Variants in INTS12 observed in about 807,000 individuals in gnomAD.
INTS12 encodes integrator complex subunit 12.
A neutral mutation model predicts 41.6 loss-of-function variants in INTS12; 13 were observed. The observed-to-expected ratio is 0.31, with a 90% CI of 0.20 to 0.50. The LOEUF is 0.50. Ranked by LOEUF, INTS12 falls within the 20% of genes least tolerant of loss-of-function variation. The pLI is 0.98. For synonymous variants in INTS12, 199 were observed against 191.4 expected (o/e 1.04, Z -0.33); for missense variants, 432 against 541.6 (o/e 0.80, Z 2.01).
At chr4:105,685,451 A>G (rs11726569) in intron 7 of INTS12, among the ~76,000 whole-genome samples, 8,166 of 152,260 alleles carry the variant, frequency 0.054, 252 homozygotes, top group Middle Eastern at 0.14. Flanking sequence ...TGACAAATCA[A>G]TAATGGATAT....
At chr4:105,691,332 C>G (rs1731675514) in intron 6 of INTS12, among the ~76,000 whole-genome samples, 1 of 152,130 alleles carries the variant, frequency 6.6e-6, no homozygotes, top group South Asian at 2.1e-4. Context: ...ATTCATTTAT[C>G]ATTTATCTAT....
chr4:105,702,845 G>A (rs937256367), intron 2 of INTS12: 1 of 958,324 alleles, frequency 1.0e-6, no homozygotes, highest in Non-Finnish European at 1.2e-6. Flanking sequence ...AACACTTATG[G>A]TTATGTGGTT....
In INTS12 at chr4:105,686,866, T is replaced by C. The variant is rs557078315; in HGVS notation, c.658-28A>G. ...GCAAAAATCAGTGGATTAAATCAGA[T>C]ACAAAATCTTAACTGAATATACAGA... On this transcript the variant is annotated intron_variant, in intron 6 of 7. Transcript: ENST00000340139. 5.6e-6 allele frequency: 9 copies of C among 1,602,098 alleles called. No individual in the cohort carries two copies. The South Asian group carries it at 9.9e-5, about 18-fold the overall frequency.
At chr4:105,688,333 G>A (rs1731565895) in intron 6 of INTS12, among the ~76,000 whole-genome samples, 1 of 152,038 alleles carries the variant, frequency 6.6e-6, no homozygotes, top group South Asian at 2.1e-4. Context: ...CACCATTTCT[G>A]GAAGCCAGAA....
chr4:105,688,770 T>C (rs1476436257), intron 6 of INTS12, among the ~76,000 whole-genome samples: 1 of 152,212 alleles, frequency 6.6e-6, no homozygotes, highest in East Asian at 1.9e-4. Flanking sequence ...AGACTAATTA[T>C]GATGAAGCCC....
chr4:105,684,519 A>C (rs564090052), intron 7 of INTS12, among the ~76,000 whole-genome samples: 2 of 152,222 alleles, frequency 1.3e-5, no homozygotes, highest in South Asian at 4.1e-4. Context: ...GCATGCATAC[A>C]TTTTTAATCA....
chr4:105,698,349 C>A (rs923738843), intron 3 of INTS12, among the ~76,000 whole-genome samples: 1 of 152,164 alleles, frequency 6.6e-6, no homozygotes, highest in East Asian at 1.9e-4. Flanking sequence ...ACTCTTCTTA[C>A]ACAAATCTAG....
intron 1 of INTS12, chr4:105,705,260 T>C (rs1350037914): frequency 6.6e-6 from 1 of 152,236 alleles, no homozygotes; most frequent in Non-Finnish European, 1.5e-5. Context: ...TGCATGTGTG[T>C]GATCTACGTT....
At chr4:105,708,203 A>C in intron 1 of INTS12, 1 of 985,514 alleles carries the variant, frequency 1.0e-6, no homozygotes, top group Non-Finnish European at 1.2e-6. Context: ...CAAACCAATC[A>C]AGTGGCTGAA....
At chr4:105,701,262 G>C (rs1732063317) in intron 2 of INTS12, among the ~76,000 whole-genome samples, 1 of 146,870 alleles carries the variant, frequency 6.8e-6, no homozygotes, top group Non-Finnish European at 1.5e-5. Flanking sequence ...AAGTTCCCAG[G>C]AAGGTATTAG....
In INTS12 at chr4:105,692,017, C is replaced by A. The variant is rs745814045; in HGVS notation, c.616G>T (p.Val206Leu). ...CTGGTACATCGGGCACAATACCACA[C>A]CAGGCGAGGGTCATTCGCTTCCTTG... Reference protein sequence around the residue: ...TDKEANDPRLVWYCARCTRQM... With the variant: ...TDKEANDPRLLWYCARCTRQM... Residue 206 changes from valine to leucine, a missense_variant, in exon 6 of 8, where the codon GTG becomes TTG. By Grantham distance (32) the Val-to-Leu change is conservative. Transcript: ENST00000340139. 6.2e-7 allele frequency: 1 copy of A among 1,604,952 alleles called. No individual in the cohort carries two copies. Among genetic ancestry groups the A allele is most frequent in the South Asian group, 1.1e-5 (1 of 90,104 alleles).
chr4:105,692,243 G>T, intron 5 of INTS12, 108 bp from the exon 6 acceptor site: 1 of 1,028,214 alleles, frequency 9.7e-7, no homozygotes, highest in Non-Finnish European at 1.4e-6. Flanking sequence ...CAGCACTTTG[G>T]GAGGCCAAGG....
intron 5 of INTS12, among the ~76,000 whole-genome samples, chr4:105,692,380 A>T (rs1731721056): frequency 6.7e-6 from 1 of 149,874 alleles, no homozygotes; most frequent in African/African-American, 2.5e-5. Context: ...ACTACTCAGG[A>T]GGCTGAGGCA....
chr4:105,690,441 T>G (rs1731646322), intron 6 of INTS12, among the ~76,000 whole-genome samples: 1 of 149,248 alleles, frequency 6.7e-6, no homozygotes, highest in Non-Finnish European at 1.5e-5. Flanking sequence ...AAAAGAGAAA[T>G]GAATAGATTT....
intron 7 of INTS12, among the ~76,000 whole-genome samples, chr4:105,684,300 C>G (rs947724356): frequency 6.6e-6 from 1 of 152,072 alleles, no homozygotes; most frequent in African/African-American, 2.4e-5. Flanking sequence ...CTTATTGACA[C>G]CTTTTCTACC....
intron 6 of INTS12, 118 bp downstream of exon 6, chr4:105,691,858 A>C (rs1194389368): frequency 2.7e-5 from 19 of 705,044 alleles, no homozygotes; most frequent in Non-Finnish European, 3.9e-5. Context: ...ATAAATAAAT[A>C]ATCAGCTTAT....
Position 105,682,675 on chromosome 4 carries a change from CATA to C in INTS12, c.*55_*57del, listed in dbSNP as rs1309606526. ...AATTACAGTGTATTACAGATTATAT[CATA>C]ATAATAAGCCTTTCATCTTTAGGCT... On this transcript the variant is annotated 3_prime_UTR_variant, in exon 8 of 8. Transcript: ENST00000340139. The C allele has an allele frequency of 1.2e-5, 15 of 1,265,898 alleles. No individual in the cohort carries two copies. The highest frequency in any genetic ancestry group is 2.3e-5 in the East Asian group (1 of 43,034). 78.4% of individuals were successfully genotyped at this position (1,265,898 alleles called of 1,614,324 possible).
intron 3 of INTS12, 45 bp from the exon 4 acceptor site, chr4:105,695,713 T>C: frequency 6.9e-7 from 1 of 1,442,002 alleles, no homozygotes; most frequent in Non-Finnish European, 9.5e-7. Flanking sequence ...TTTAGACTGA[T>C]CATCATAAAA....
chr4:105,705,777 A>G (rs2149194491), intron 1 of INTS12: 1 of 152,338 alleles, frequency 6.6e-6, no homozygotes, highest in Non-Finnish European at 1.5e-5. Context: ...TTCCCTCAAC[A>G]AAACTAGAAG....
Sources: gnomAD v4.1 joint callset for allele counts (sites outside exome capture counted in the v4.1 genomes callset) on GRCh38, gnomAD v4.1.1 for gene constraint, MANE v1.5 for transcripts, NCBI Gene and HGNC (gene_info 2026-07-23, HGNC 2026-07-21) for gene names.